CSRNP3: variants seen among roughly 807,000 people sequenced by gnomAD.
CSRNP3 encodes the protein cysteine and serine rich nuclear protein 3.
A neutral mutation model predicts 48.0 loss-of-function variants in CSRNP3; 12 were observed. The ratio of observed to expected loss-of-function variants is 0.25; its 90% CI spans 0.16 to 0.41. The LOEUF (loss-of-function observed/expected upper bound fraction) is 0.41, where lower values mean the gene tolerates loss of function less well. Ranked by LOEUF, CSRNP3 falls within the 10% of genes least tolerant of loss-of-function variation. CSRNP3 has a pLI of 1.00. For synonymous variants in CSRNP3, 263 were observed against 269.7 expected (o/e 0.98, Z 0.24); for missense variants, 580 against 724.4 (o/e 0.80, Z 2.29).
At chr2:165,470,598 G>A (rs1683881193) in intron 1 of CSRNP3, among the ~76,000 whole-genome samples, 1 of 151,752 alleles carries the variant, frequency 6.6e-6, no homozygotes, top group East Asian at 1.9e-4. Flanking sequence ...ACTTTACTAG[G>A]TGCTTGTATC....
At chr2:165,559,048 A>G (rs892378295) in intron 3 of CSRNP3, among the ~76,000 whole-genome samples, 1 of 152,190 alleles carries the variant, frequency 6.6e-6, no homozygotes, top group Non-Finnish European at 1.5e-5. Flanking sequence ...CATAGGCTTC[A>G]GTAAGGTGAT....
At chr2:165,530,722 A>C (rs1234508598) in intron 3 of CSRNP3, among the ~76,000 whole-genome samples, 1 of 151,996 alleles carries the variant, frequency 6.6e-6, no homozygotes, top group Non-Finnish European at 1.5e-5. Flanking sequence ...GCTGATTCCA[A>C]TTTAGTTGTT....
At chr2:165,558,890 A>G (rs1270496695) in intron 3 of CSRNP3, among the ~76,000 whole-genome samples, 1 of 152,198 alleles carries the variant, frequency 6.6e-6, no homozygotes, top group Non-Finnish European at 1.5e-5. Flanking sequence ...TCATCTTGCC[A>G]TGATTATTCT....
chr2:165,675,316 G>T (rs1309145046), intron 5 of CSRNP3, among the ~76,000 whole-genome samples: 3 of 152,010 alleles, frequency 2.0e-5, no homozygotes, highest in African/African-American at 7.2e-5. Flanking sequence ...AAATATGAAA[G>T]AATTAAAATC....
chr2:165,479,467 A>G (rs1465289293), intron 1 of CSRNP3, among the ~76,000 whole-genome samples: 5 of 152,308 alleles, frequency 3.3e-5, no homozygotes, highest in Non-Finnish European at 5.9e-5. Context: ...TAAGCTCTAA[A>G]TGGTATTATT....
chr2:165,668,594 G>T (rs1049377596), intron 5 of CSRNP3, among the ~76,000 whole-genome samples: 1 of 151,752 alleles, frequency 6.6e-6, no homozygotes, highest in African/African-American at 2.4e-5. Flanking sequence ...TAGAGACAGG[G>T]TTTCACCATG....
intron 5 of CSRNP3, among the ~76,000 whole-genome samples, chr2:165,675,752 C>T (rs1456135089): frequency 1.3e-5 from 2 of 152,216 alleles, no homozygotes; most frequent in Non-Finnish European, 2.9e-5. Context: ...ATCAAGCCCT[C>T]ATTCTTGGAA....
At chr2:165,544,129 TGAGGTACA>T (rs1012523030) in intron 3 of CSRNP3, among the ~76,000 whole-genome samples, 1 of 152,050 alleles carries the variant, frequency 6.6e-6, no homozygotes, top group African/African-American at 2.4e-5. Context: ...AAGTGGAATC[TGAGGTACA>T]GAGTAGAGGG....
At chr2:165,504,140 C>A (rs1468550799) in intron 2 of CSRNP3, among the ~76,000 whole-genome samples, 1 of 151,830 alleles carries the variant, frequency 6.6e-6, no homozygotes, top group African/African-American at 2.4e-5. Context: ...CATTAAGAGA[C>A]CTTTAAAAAT....
rs73972122 is a variant in CSRNP3 at position 165,655,679 on chromosome 2, G to A, written c.149-2082G>A. Among the ~76,000 whole-genome samples the A allele has an allele frequency of 3.0e-3, 452 of 152,228 alleles. 1 individual carries two copies. Among genetic ancestry groups the A allele is most frequent in the East Asian group, 8.3e-3 (43 of 5,170 alleles). On this transcript the variant is annotated intron_variant, in intron 4 of 6. Coordinates refer to ENST00000651982, the MANE Select transcript of CSRNP3 (RefSeq NM_001172173.2). ...GATGACCAAGGTGTTGGCAGGGCCC[G>A]GCTCCCTCTGAAACCTTTGGGAAAG...
chr2:165,546,338 G>T (rs1685024975), intron 3 of CSRNP3, among the ~76,000 whole-genome samples: 1 of 151,896 alleles, frequency 6.6e-6, no homozygotes, highest in Non-Finnish European at 1.5e-5. Flanking sequence ...GATTACAGGC[G>T]CCCGCCACCA....
intron 3 of CSRNP3, among the ~76,000 whole-genome samples, chr2:165,561,712 C>T (rs1045052413): frequency 6.6e-6 from 1 of 152,044 alleles, no homozygotes. Context: ...TTAATATTTG[C>T]TACCCCACAG....
intron 4 of CSRNP3, among the ~76,000 whole-genome samples, chr2:165,619,784 C>T (rs1377750): frequency 0.3 from 45,159 of 151,996 alleles, 7,090 homozygotes; most frequent in Admixed American, 0.41. Context: ...AGTCAGAGGA[C>T]TTTTTATCTT....
chr2:165,638,917 C>T (rs566752895), intron 4 of CSRNP3, among the ~76,000 whole-genome samples: 3 of 152,252 alleles, frequency 2.0e-5, no homozygotes, highest in Admixed American at 6.5e-5. Flanking sequence ...AATACAGAGC[C>T]GTTGCTCCTG....
At chr2:165,562,428 T>A (rs374652871) in intron 3 of CSRNP3, among the ~76,000 whole-genome samples, 2 of 152,096 alleles carry the variant, frequency 1.3e-5, no homozygotes, top group Non-Finnish European at 2.9e-5. Flanking sequence ...TGGGGAAAAA[T>A]TGCAAAACAT....
At chr2:165,673,650 T>A (rs1027394015) in intron 5 of CSRNP3, among the ~76,000 whole-genome samples, 4 of 152,192 alleles carry the variant, frequency 2.6e-5, no homozygotes, top group Non-Finnish European at 1.5e-5. Context: ...TTTAAATATT[T>A]GCTAAAATCT....
At chr2:165,474,355 GC>G (rs1683933570) in intron 1 of CSRNP3, among the ~76,000 whole-genome samples, 1 of 152,166 alleles carries the variant, frequency 6.6e-6, no homozygotes, top group Admixed American at 6.6e-5. Flanking sequence ...TTATTCTGCT[GC>G]AGCCTCCCAA....
At chr2:165,675,174 CT>C (rs1687403479) in intron 5 of CSRNP3, among the ~76,000 whole-genome samples, 1 of 152,034 alleles carries the variant, frequency 6.6e-6, no homozygotes, top group Non-Finnish European at 1.5e-5. Flanking sequence ...GAATGTTAGA[CT>C]TTTTCCTGTA....
intron 2 of CSRNP3, among the ~76,000 whole-genome samples, chr2:165,504,000 G>A (rs1391186569): frequency 6.6e-6 from 1 of 151,742 alleles, no homozygotes; most frequent in Non-Finnish European, 1.5e-5. Flanking sequence ...ATCCTATTTT[G>A]ACCTATTAAT....
Sources: gnomAD v4.1 joint callset for allele counts (sites outside exome capture counted in the v4.1 genomes callset) on GRCh38, gnomAD v4.1.1 for gene constraint, MANE v1.5 for transcripts, NCBI Gene and HGNC (gene_info 2026-07-23, HGNC 2026-07-21) for gene names.